Variants in NCAPH observed in about 807,000 individuals in gnomAD.
NCAPH encodes the protein condensin complex subunit 2.
Under a neutral mutation model 85.5 loss-of-function variants are expected in NCAPH, and 38 were observed. That is an observed-to-expected ratio of 0.44 (90% confidence interval 0.34 to 0.58). The LOEUF (loss-of-function observed/expected upper bound fraction) is 0.58, where lower values mean the gene tolerates loss of function less well. NCAPH is among the 20% of genes least tolerant of loss of function. The pLI is 0.01. For missense variants in NCAPH, 789 were observed against 916.6 expected (o/e 0.86, Z 1.80); for synonymous variants, 301 against 335.1 (o/e 0.90, Z 1.11).
intron 9 of NCAPH, among the ~76,000 whole-genome samples, chr2:96,356,262 C>T (rs1260078558): frequency 2.0e-5 from 3 of 152,208 alleles, no homozygotes; most frequent in Admixed American, 6.5e-5. Flanking sequence ...CTTGCCACAT[C>T]GCTGGCCTTT....
At chr2:96,371,361 A>G (rs1573100540) in intron 17 of NCAPH, among the ~76,000 whole-genome samples, 1 of 152,130 alleles carries the variant, frequency 6.6e-6, no homozygotes, top group East Asian at 1.9e-4. Flanking sequence ...TTCGCTCATC[A>G]GCCCCAGCCT....
intron 9 of NCAPH, among the ~76,000 whole-genome samples, chr2:96,355,657 T>C (rs1229765466): frequency 6.6e-6 from 1 of 151,546 alleles, no homozygotes; most frequent in East Asian, 1.9e-4. Flanking sequence ...TTTTTTTTTT[T>C]TTGAGACAGA....
chr2:96,356,839 C>T (rs967293968), intron 9 of NCAPH, among the ~76,000 whole-genome samples: 1 of 152,302 alleles, frequency 6.6e-6, no homozygotes, highest in African/African-American at 2.4e-5. Flanking sequence ...TGATAAATAC[C>T]AGTGTTGTGT....
intron 9 of NCAPH, among the ~76,000 whole-genome samples, chr2:96,355,702 C>T (rs1269105223): frequency 6.6e-6 from 1 of 150,448 alleles, no homozygotes; most frequent in African/African-American, 2.5e-5. Flanking sequence ...AGTGCAGCAG[C>T]GCGATCTCTG....
At chr2:96,341,197 G>A (rs2064289815) in intron 1 of NCAPH, among the ~76,000 whole-genome samples, 1 of 152,080 alleles carries the variant, frequency 6.6e-6, no homozygotes, top group African/African-American at 2.4e-5. Context: ...TTTTTCCTCT[G>A]TCTGTTTGCC....
At chr2:96,339,151 C>G (rs756140365) in intron 1 of NCAPH, among the ~76,000 whole-genome samples, 1 of 152,216 alleles carries the variant, frequency 6.6e-6, no homozygotes, top group African/African-American at 2.4e-5. Context: ...TCATTTGTGA[C>G]AGCAGCCATA....
At chr2:96,339,590 CAA>C (rs950305411) in intron 1 of NCAPH, among the ~76,000 whole-genome samples, 34 of 65,298 alleles carry the variant, frequency 5.2e-4, no homozygotes, top group Admixed American at 8.9e-4. Context: ...GACTCTGTCT[CAA>C]AAAAAAAAAA....
chr2:96,370,422 T>C (rs1209216251), intron 17 of NCAPH, among the ~76,000 whole-genome samples: 1 of 152,224 alleles, frequency 6.6e-6, no homozygotes, highest in East Asian at 1.9e-4. Context: ...AATGGGGTGC[T>C]GGTGGAAGCA....
At chr2:96,369,572 T>C (rs2064745277) in intron 17 of NCAPH, 72 bp downstream of exon 17, 5 of 1,425,464 alleles carry the variant, frequency 3.5e-6, no homozygotes, top group African/African-American at 1.4e-5. Context: ...GCTTTGTATT[T>C]GATCTTTCAT....
chr2:96,369,326 T>C, intron 16 of NCAPH, 99 bp from the exon 17 acceptor site: 1 of 1,031,722 alleles, frequency 9.7e-7, no homozygotes, highest in Non-Finnish European at 1.5e-6. Flanking sequence ...TTGTTTCTCA[T>C]TAGTTTAGTC....
intron 1 of NCAPH, 109 bp downstream of exon 1, chr2:96,335,957 C>T (rs2064206936): frequency 1.6e-6 from 2 of 1,226,038 alleles, no homozygotes; most frequent in East Asian, 3.2e-5. Flanking sequence ...ATATGCTCAG[C>T]TCGGGTCTTG....
chr2:96,338,477 G>A (rs1039199737), intron 1 of NCAPH, among the ~76,000 whole-genome samples: 1 of 152,144 alleles, frequency 6.6e-6, no homozygotes, highest in Non-Finnish European at 1.5e-5. Flanking sequence ...TTGCCCTAAA[G>A]GTGTCCAGAA....
intron 1 of NCAPH, among the ~76,000 whole-genome samples, chr2:96,339,447 C>T (rs191181458): frequency 1.3e-5 from 2 of 152,006 alleles, no homozygotes; most frequent in African/African-American, 2.4e-5. Flanking sequence ...AAAAAAGTAG[C>T]TGGGCGTGGT....
chr2:96,366,203 A>G lies in NCAPH; in HGVS notation c.1881+145A>G, dbSNP rs1449792282. 6 of 903,710 alleles carry G rather than the reference A, an allele frequency of 6.6e-6. No homozygotes were observed. The East Asian group carries it at 1.4e-4, about 20-fold the overall frequency. 56.0% of individuals were successfully genotyped at this position (903,710 alleles called of 1,614,324 possible). On this transcript the variant is annotated intron_variant, in intron 14 of 17. Coordinates refer to ENST00000240423, the MANE Select transcript of NCAPH (RefSeq NM_015341.5). ...TCCAAGTTTTAAATAGGGTTGTGGG[A>G]GTGAGCTGATGCTAATTAGGTTTGT... is the stretch of plus-strand genomic sequence containing the variant.
chr2:96,354,481 T>C (rs2064495448), intron 9 of NCAPH, 93 bp downstream of exon 9: 3 of 1,115,766 alleles, frequency 2.7e-6, no homozygotes, highest in East Asian at 3.0e-5. Context: ...AATTTTTCTT[T>C]CTTTTTTTTT....
chr2:96,350,595 C>T (rs897903848), intron 6 of NCAPH, among the ~76,000 whole-genome samples: 12 of 152,048 alleles, frequency 7.9e-5, no homozygotes, highest in African/African-American at 2.2e-4. Flanking sequence ...GGGAGGAAAC[C>T]GACTTGGACG....
intron 8 of NCAPH, 130 bp from the exon 9 acceptor site, chr2:96,354,053 A>G: frequency 1.2e-6 from 1 of 868,762 alleles, no homozygotes; most frequent in Non-Finnish European, 1.9e-6. Flanking sequence ...GGGGATGGGA[A>G]AGGGAAGGGT....
At chr2:96,369,611 T>C in intron 17 of NCAPH, 111 bp downstream of exon 17, 2 of 1,140,956 alleles carry the variant, frequency 1.8e-6, no homozygotes, top group Non-Finnish European at 1.3e-6. Flanking sequence ...TTAAATACAG[T>C]GACTTATGTA....
chr2:96,343,990 C>T, intron 5 of NCAPH, 115 bp from the exon 6 acceptor site: 1 of 1,360,596 alleles, frequency 7.3e-7, no homozygotes, highest in Non-Finnish European at 9.9e-7. Flanking sequence ...GCATGAGCCA[C>T]CACACCTGGC....
Sources: gnomAD v4.1 joint callset for allele counts (sites outside exome capture counted in the v4.1 genomes callset) on GRCh38, gnomAD v4.1.1 for gene constraint, MANE v1.5 for transcripts, NCBI Gene and HGNC (gene_info 2026-07-23, HGNC 2026-07-21) for gene names.